The following PLA2G6 variants were observed in gnomAD, a reference collection of about 807,000 sequenced individuals.
PLA2G6 encodes phospholipase A2 group VI.
Under a neutral mutation model 83.8 loss-of-function variants are expected in PLA2G6, and 62 were observed. That is an observed-to-expected ratio of 0.74 (90% confidence interval 0.60 to 0.91). PLA2G6 has a LOEUF of 0.91. PLA2G6 is among the 40% of genes least tolerant of loss of function. The pLI is 0.00. For synonymous variants in PLA2G6, 417 were observed against 449.8 expected (o/e 0.93, Z 0.92); for missense variants, 944 against 1,102.0 (o/e 0.86, Z 2.03).
chr22:38,121,015 G>A lies in PLA2G6; in HGVS notation c.1592-106C>T. The A allele has an allele frequency of 3.7e-6, 5 of 1,368,888 alleles. No individual in the cohort carries two copies. The South Asian group carries it at 6.2e-5, about 17-fold the overall frequency. The allele number at this position is 1,368,888 out of a possible 1,614,324, so 84.8% of individuals were successfully genotyped here. ...ACGCAGGAGGTGGCAGGAGGAAGCG[G>A]GTTTACCGAGGCCTAAGCAAACCCA... On this transcript the variant is annotated intron_variant, in intron 11 of 16. Transcript: ENST00000332509.
At chr22:38,177,054 A>AAG (rs2090662005) in intron 1 of PLA2G6, among the ~76,000 whole-genome samples, 1 of 151,602 alleles carries the variant, frequency 6.6e-6, no homozygotes, top group Admixed American at 6.6e-5. Context: ...AAAAAAAAAA[A>AAG]AAAGAAACAA....
intron 1 of PLA2G6, among the ~76,000 whole-genome samples, chr22:38,170,386 A>G (rs1359453793): frequency 6.6e-6 from 1 of 152,080 alleles, no homozygotes; most frequent in African/African-American, 2.4e-5. Context: ...TCCGAGAGAC[A>G]GCACACAAAA....
Position 38,156,371 on chromosome 22 carries a change from C to T in PLA2G6, c.210-10718G>A, listed in dbSNP as rs147390991. ...CATTTCATCCAACGGCTGCAGAATA[C>T]ACATTCTTCTCCTCAGCATATGGAT... is the stretch of plus-strand genomic sequence containing the variant. On this transcript the variant is annotated intron_variant, in intron 2 of 16. Coordinates refer to ENST00000332509, the MANE Select transcript of PLA2G6 (RefSeq NM_003560.4). Among the ~76,000 whole-genome samples the T allele has an allele frequency of 6.5e-3, 990 of 152,286 alleles. 12 individuals carry two copies. Among genetic ancestry groups the T allele is most frequent in the African/African-American group, 0.022 (935 of 41,556 alleles).
chr22:38,114,109 C>T (rs146408053), intron 14 of PLA2G6, among the ~76,000 whole-genome samples: 137 of 151,962 alleles, frequency 9.0e-4, no homozygotes, highest in African/African-American at 1.2e-3. Context: ...AAGCTCAGGC[C>T]GGGAAGCAGC....
chr22:38,126,602 G>A (rs924865973), intron 9 of PLA2G6, 153 bp from the exon 10 acceptor site: 1 of 674,776 alleles, frequency 1.5e-6, no homozygotes, highest in Admixed American at 2.0e-5. Flanking sequence ...CCCACAGGAA[G>A]GACTCTGTCC....
At chr22:38,145,784 A>AAAACAC (rs1404075901) in intron 2 of PLA2G6, 131 bp from the exon 3 acceptor site, 91 of 484,188 alleles carry the variant, frequency 1.9e-4, no homozygotes, top group Non-Finnish European at 2.5e-4. Context: ...CTCCCAAGCA[A>AAAACAC]ACACACACAC....
chr22:38,160,801 C>A (rs546330557), intron 2 of PLA2G6, among the ~76,000 whole-genome samples: 1 of 151,994 alleles, frequency 6.6e-6, no homozygotes, highest in Non-Finnish European at 1.5e-5. Context: ...GCAGAGATTG[C>A]GCCACCGCAC....
At chr22:38,149,807 T>C (rs951002665) in intron 2 of PLA2G6, 1 of 151,666 alleles carries the variant, frequency 6.6e-6, no homozygotes, top group East Asian at 1.9e-4. Context: ...TGGCGGTGGG[T>C]GCCTATAATC....
At chr22:38,157,833 G>C (rs1194264033) in intron 2 of PLA2G6, among the ~76,000 whole-genome samples, 1 of 152,006 alleles carries the variant, frequency 6.6e-6, no homozygotes, top group Non-Finnish European at 1.5e-5. Context: ...GTCAGGTGTC[G>C]AGACCAGCCT....
At chr22:38,176,518 C>A (rs1004501833) in intron 1 of PLA2G6, among the ~76,000 whole-genome samples, 1 of 152,190 alleles carries the variant, frequency 6.6e-6, no homozygotes, top group Non-Finnish European at 1.5e-5. Context: ...GCAGTGACAC[C>A]CTCCTGAGCA....
At chr22:38,126,264 G>A (rs1029237885) in intron 10 of PLA2G6, 107 bp downstream of exon 10, 5 of 837,964 alleles carry the variant, frequency 6.0e-6, no homozygotes, top group Admixed American at 3.5e-5. Context: ...CCACTTCGCC[G>A]GCTGTGAGGG....
At chr22:38,127,873 G>A (rs1361841352) in intron 9 of PLA2G6, among the ~76,000 whole-genome samples, 1 of 152,220 alleles carries the variant, frequency 6.6e-6, no homozygotes, top group Non-Finnish European at 1.5e-5. Context: ...TTCAAACAGT[G>A]TGATAGAGGT....
rs764380622 is a variant in PLA2G6 at position 38,126,354 on chromosome 22, G to A, written c.1427+17C>T. 1.2e-5 allele frequency: 19 copies of A among 1,602,418 alleles called. No individual in the cohort carries two copies. The highest frequency in any genetic ancestry group is 1.7e-4 in the Middle Eastern group (1 of 5,998). ...CGCACACGTTCCCCGCTCTGCCCCC[G>A]ATCTCGATCCACTTACGTCCGCTTC... On this transcript the variant is annotated intron_variant, in intron 10 of 16. Transcript: ENST00000332509.
chr22:38,176,573 G>A (rs1316160220), intron 1 of PLA2G6, among the ~76,000 whole-genome samples: 1 of 152,152 alleles, frequency 6.6e-6, no homozygotes, highest in Non-Finnish European at 1.5e-5. Context: ...GAAACTCAGG[G>A]TCCACTCAGA....
chr22:38,117,216 C>T (rs904034291), intron 12 of PLA2G6, among the ~76,000 whole-genome samples: 57 of 151,890 alleles, frequency 3.8e-4, no homozygotes, highest in African/African-American at 1.3e-3. Flanking sequence ...ACACAAAAAT[C>T]TTTTTTTTGA....
Position 38,123,183 on chromosome 22 carries a change from C to T in PLA2G6, c.1503G>A (p.Glu501=), listed in dbSNP as rs1288451155. ...LIIIQLLIAI[E]KASGVATKDL... is the part of the protein sequence containing the mutation. Reference sequence around the variant, plus strand: ...CCTTGGTGGCCACACCCGAGGCCTTCTCGATGGCGATGAGGAGCTGGATGA... The same window carrying T: ...CCTTGGTGGCCACACCCGAGGCCTTTTCGATGGCGATGAGGAGCTGGATGA... Residue 501 remains glutamate, a synonymous_variant, in exon 11 of 17, where the codon GAG becomes GAA. Transcript: ENST00000332509. The surrounding 1 kb of genome is among the most constrained non-coding windows in gnomAD (Gnocchi z 4.1). 2 of 1,552,648 alleles carry T rather than the reference C, an allele frequency of 1.3e-6. No homozygotes were observed. The highest frequency in any genetic ancestry group is 1.2e-5 in the South Asian group (1 of 84,074).
chr22:38,113,385 G>C lies in PLA2G6; in HGVS notation c.2202+102C>G, dbSNP rs2086997666. 4 of 1,137,886 alleles carry C rather than the reference G, an allele frequency of 3.5e-6. No homozygotes were observed. In the South Asian group the frequency reaches 3.7e-5, roughly 11 times the overall value. The allele number at this position is 1,137,886 out of a possible 1,614,324, so 70.5% of individuals were successfully genotyped here. On this transcript the variant is annotated intron_variant, in intron 15 of 16. Coordinates refer to ENST00000332509, the MANE Select transcript of PLA2G6 (RefSeq NM_003560.4). ...GGCTAAAGGCGATGGACAGAGCCCT[G>C]CTGTCTCCTCCAACACCAAAGGCCC...
At chr22:38,112,389 G>A (rs1277832711) in intron 16 of PLA2G6, 84 bp from the exon 17 acceptor site, 24 of 1,542,082 alleles carry the variant, frequency 1.6e-5, no homozygotes, top group African/African-American at 4.1e-5. Context: ...TGGGCTTGGG[G>A]AACAGAGCAG....
intron 8 of PLA2G6, 102 bp downstream of exon 8, chr22:38,129,352 G>T: frequency 1.2e-6 from 1 of 839,694 alleles, no homozygotes; most frequent in Non-Finnish European, 2.1e-6. Flanking sequence ...GGGCGGGTCA[G>T]CACAGGATGC....
Sources: allele counts gnomAD v4.1 joint callset (sites outside exome capture counted in the v4.1 genomes callset), GRCh38; gene constraint gnomAD v4.1.1; non-coding constraint Gnocchi (gnomAD v3.1); transcripts MANE v1.5; gene names NCBI Gene and HGNC (gene_info 2026-07-23, HGNC 2026-07-21).